Variants in MLNR observed in about 807,000 individuals in gnomAD.
The protein encoded by MLNR is motilin receptor, also known as G protein-coupled receptor 38.
A neutral mutation model predicts 20.0 loss-of-function variants in MLNR; 16 were observed. The observed-to-expected ratio is 0.80, with a 90% CI of 0.54 to 1.22. MLNR has a LOEUF of 1.22. Ranked by LOEUF, MLNR falls within the 50% of genes most tolerant of loss-of-function variation. The pLI is 0.00. For synonymous variants in MLNR, 302 were observed against 287.2 expected, an observed-to-expected ratio of 1.05 and a Z score of -0.52; for missense variants, 630 against 592.3, an observed-to-expected ratio of 1.06 and a Z score of -0.66.
chr13:49,221,708 T>C (rs1487288967), intron 1 of MLNR, among the ~76,000 whole-genome samples: 1 of 152,236 alleles, frequency 6.6e-6, no homozygotes, highest in African/African-American at 2.4e-5. Flanking sequence ...AGACCTGTTG[T>C]AGAATTCTTT....
rs139964744 is a variant in MLNR at position 49,220,644 on chromosome 13, C to T, written c.307C>T (p.Pro103Ser). The change falls in exon 1 of 2, where the codon CCC (proline) becomes TCC (serine). Residue 103 changes from proline (P) to serine (S), a missense_variant. Physicochemically the swap from Pro to Ser is moderately conservative, Grantham distance 74. Transcript: ENST00000218721. The surrounding 1 kb of genome is among the most constrained non-coding windows in gnomAD (Gnocchi z 4.4). ...CCTGTACCGCCTCTGGCGCTCGCGGCCCTGGGTGTTCGGGCCGCTGCTCTG... is the reference window on the plus strand; with the variant it reads ...CCTGTACCGCCTCTGGCGCTCGCGGTCCTGGGTGTTCGGGCCGCTGCTCTG... ...FDLYRLWRSR[P>S]WVFGPLLCRL... 17 of 1,610,276 alleles carry T rather than the reference C, an allele frequency of 1.1e-5. No individual in the cohort carries two copies. The highest frequency in any genetic ancestry group is 1.4e-5 in the Non-Finnish European group (16 of 1,178,858).
At position 49,222,370 on chromosome 13, in the gene MLNR, T is replaced by C. The variant is rs1169597832; in HGVS notation, c.1232T>C (p.Met411Thr). Residue 411 changes from methionine (M) to threonine (T), a missense_variant, in exon 2 of 2, where the codon ATG becomes ACG. By Grantham distance (81) the Met-to-Thr change is moderately conservative. Coordinates refer to ENST00000218721, the MANE Select transcript of MLNR (RefSeq NM_001507.1). ...YTETSANVKT[M>T]G ...GAGACAAGCGCTAACGTGAAGACGA[T>C]GGGATAACCAGCACGGCCAAGCCAG... The C allele has an allele frequency of 6.2e-7, 1 of 1,606,564 alleles. No individual in the cohort carries two copies. Among genetic ancestry groups the C allele is most frequent in the South Asian group, 1.1e-5 (1 of 90,576 alleles).
chr13:49,221,341 C>A (rs1178888428), intron 1 of MLNR, 103 bp downstream of exon 1: 5 of 1,242,496 alleles, frequency 4.0e-6, no homozygotes, highest in East Asian at 2.6e-5. Context: ...CAGCTCTGGG[C>A]GCCGCTTCCA....
In MLNR at chr13:49,222,232, C is replaced by T. The variant is rs1281054703; in HGVS notation, c.1094C>T (p.Ala365Val). The change falls in exon 2 of 2, where the codon GCG (alanine) becomes GTG (valine). Residue 365 changes from alanine (A) to valine (V), a missense_variant. Coordinates refer to ENST00000218721, the MANE Select transcript of MLNR (RefSeq NM_001507.1). ...YNLISKKYRA[A>V]AFKLLLARKS... ...CTCATTTCAAAGAAGTACAGAGCGG[C>T]GGCCTTTAAACTGCTGCTCGCAAGG... 1.2e-6 allele frequency: 2 copies of T among 1,614,054 alleles called. No individual in the cohort carries two copies. Among genetic ancestry groups the T allele is most frequent in the East Asian group, 2.2e-5 (1 of 44,876 alleles).
rs1436990779 is a variant in MLNR at position 49,220,420 on chromosome 13, G to A, written c.83G>A (p.Arg28His). The A allele has an allele frequency of 1.3e-6, 2 of 1,529,704 alleles. No homozygotes were observed. Among genetic ancestry groups the A allele is most frequent in the South Asian group, 1.2e-5 (1 of 83,066 alleles). The allele number at this position is 1,529,704 out of a possible 1,614,324, so 94.8% of individuals were successfully genotyped here. A position where few individuals can be genotyped will look rare whatever the true frequency, so the allele number is the denominator to read the frequency against. ...PWPALPPCDERRCSPFPLGAL... is the reference protein window; with the variant it reads ...PWPALPPCDEHRCSPFPLGAL... ...CCCGCGCTGCCGCCTTGCGACGAGC[G>A]CCGCTGCTCGCCCTTTCCCCTGGGG... The change falls in exon 1 of 2, where the codon CGC (arginine) becomes CAC (histidine). Residue 28 changes from arginine to histidine, a missense_variant. Physicochemically the swap from Arg to His is conservative, Grantham distance 29. Coordinates refer to ENST00000218721, the MANE Select transcript of MLNR (RefSeq NM_001507.1). This position sits in a 1 kb window ranked among gnomAD's most constrained non-coding sequence, Gnocchi z 4.4.
At chr13:49,221,268 G>A (rs1411475231) in intron 1 of MLNR, 30 bp downstream of exon 1, 2 of 1,543,606 alleles carry the variant, frequency 1.3e-6, no homozygotes, top group South Asian at 2.3e-5. Context: ...TTCCAAAGAC[G>A]CCTGCCTGCA....
Position 49,222,109 on chromosome 13 carries a change from C to G in MLNR, c.971C>G (p.Thr324Arg). 6.2e-7 allele frequency: 1 copy of G among 1,614,102 alleles called. No individual in the cohort carries two copies. The highest frequency in any genetic ancestry group is 8.5e-7 in the Non-Finnish European group (1 of 1,180,024). The change falls in exon 2 of 2, where the codon ACG becomes AGG. Residue 324 changes from threonine to arginine, a missense_variant. Physicochemically the swap from Thr to Arg is moderately conservative, Grantham distance 71. Transcript: ENST00000218721. The part of the protein sequence containing the change: ...FHVGRIIYIN[T>R]EDSRMMYFSQ... ...GTTGGCAGAATCATTTACATAAACA[C>G]GGAAGATTCGCGGATGATGTACTTC...
At chr13:49,221,408 G>A (rs1887010856) in intron 1 of MLNR, 170 bp downstream of exon 1, 1 of 727,680 alleles carries the variant, frequency 1.4e-6, no homozygotes, top group Non-Finnish European at 2.2e-6. Flanking sequence ...CATCCCCCGA[G>A]AAAACCATGT....
chr13:49,220,997 G>A lies in MLNR; in HGVS notation c.660G>A (p.Ser220=). The change falls in exon 1 of 2, where the codon TCG becomes TCA. Residue 220 remains serine (S), a synonymous_variant. Coordinates refer to ENST00000218721, the MANE Select transcript of MLNR (RefSeq NM_001507.1). The surrounding 1 kb of genome is among the most constrained non-coding windows in gnomAD (Gnocchi z 4.4). ...LSRAPPPSPP[S]GPETAEAAAL... ...GGGCGCCACCGCCGTCCCCGCCGTC[G>A]GGGCCCGAGACCGCGGAGGCCGCGG... The A allele has an allele frequency of 1.3e-6, 2 of 1,522,838 alleles. No individual in the cohort carries two copies. Among genetic ancestry groups the A allele is most frequent in the Non-Finnish European group, 8.7e-7 (1 of 1,146,724 alleles). The allele number at this position is 1,522,838 out of a possible 1,614,324, so 94.3% of individuals were successfully genotyped here. A position where few individuals can be genotyped will look rare whatever the true frequency, so the allele number is the denominator to read the frequency against.
chr13:49,222,123 A>G lies in MLNR; in HGVS notation c.985A>G (p.Met329Val). Residue 329 changes from methionine (M) to valine (V), a missense_variant, in exon 2 of 2, where the codon ATG (methionine) becomes GTG (valine). Transcript: ENST00000218721. ...TTACATAAACACGGAAGATTCGCGG[A>G]TGATGTACTTCTCTCAGTACTTTAA... ...IIYINTEDSRMMYFSQYFNIV... is the reference protein window; with the variant it reads ...IIYINTEDSRVMYFSQYFNIV... The G allele has an allele frequency of 6.2e-7, 1 of 1,614,098 alleles. No homozygotes were observed. Among genetic ancestry groups the G allele is most frequent in the East Asian group, 2.2e-5 (1 of 44,884 alleles).
In MLNR at chr13:49,220,687, T is replaced by G; in HGVS notation, c.350T>G (p.Val117Gly). 1 of 1,602,088 alleles carries G rather than the reference T, an allele frequency of 6.2e-7. No homozygotes were observed. The highest frequency in any genetic ancestry group is 8.5e-7 in the Non-Finnish European group (1 of 1,175,564). The change falls in exon 1 of 2, where the codon GTG (valine) becomes GGG (glycine). Residue 117 changes from valine to glycine, a missense_variant. Val to Gly is a moderately radical substitution (Grantham distance 109). Coordinates refer to ENST00000218721, the MANE Select transcript of MLNR (RefSeq NM_001507.1). This position sits in a 1 kb window ranked among gnomAD's most constrained non-coding sequence, Gnocchi z 4.4. The stretch of plus-strand genomic sequence containing the variant: ...CTGCTCTGCCGCCTGTCCCTCTACG[T>G]GGGCGAGGGCTGCACCTACGCCACG... ...GPLLCRLSLY[V>G]GEGCTYATLL...
chr13:49,220,740 G>C lies in MLNR; in HGVS notation c.403G>C (p.Glu135Gln), dbSNP rs1356435440. The part of the protein sequence containing the change: ...TLLHMTALSV[E>Q]RYLAICRPLR... ...GCTGCACATGACCGCGCTCAGCGTC[G>C]AGCGCTACCTGGCCATCTGCCGCCC... Residue 135 changes from glutamate to glutamine, a missense_variant, in exon 1 of 2, where the codon GAG (glutamate) becomes CAG (glutamine). By Grantham distance (29) the Glu-to-Gln change is conservative. Coordinates refer to ENST00000218721, the MANE Select transcript of MLNR (RefSeq NM_001507.1). The surrounding 1 kb of genome is among the most constrained non-coding windows in gnomAD (Gnocchi z 4.4). 6.3e-7 allele frequency: 1 copy of C among 1,578,648 alleles called. No homozygotes were observed. Among genetic ancestry groups the C allele is most frequent in the East Asian group, 2.4e-5 (1 of 42,454 alleles).
chr13:49,220,494 G>T lies in MLNR; in HGVS notation c.157G>T (p.Val53Leu), dbSNP rs1349842496. ...GTGCCTGTGCCTGTTCGTCGTCGGG[G>T]TGAGCGGCAACGTGGTGACCGTGAT... ...AVCLCLFVVG[V>L]SGNVVTVMLI... Residue 53 changes from valine (V) to leucine (L), a missense_variant, in exon 1 of 2, where the codon GTG (valine) becomes TTG (leucine). Coordinates refer to ENST00000218721, the MANE Select transcript of MLNR (RefSeq NM_001507.1). The surrounding 1 kb of genome is among the most constrained non-coding windows in gnomAD (Gnocchi z 4.4). The T allele has an allele frequency of 1.3e-6, 2 of 1,596,288 alleles. No homozygotes were observed. Among genetic ancestry groups the T allele is most frequent in the Non-Finnish European group, 1.7e-6 (2 of 1,172,350 alleles).
Position 49,220,383 on chromosome 13 carries a change from G to A in MLNR, c.46G>A (p.Glu16Lys). 3 of 1,465,190 alleles carry A rather than the reference G, an allele frequency of 2.0e-6. No homozygotes were observed. Among genetic ancestry groups the A allele is most frequent in the South Asian group, 1.4e-5 (1 of 73,226 alleles). 90.8% of individuals were successfully genotyped at this position (1,465,190 alleles called of 1,614,324 possible). A position where few individuals can be genotyped will look rare whatever the true frequency, so the allele number is the denominator to read the frequency against. ...NGSDGPEGAR[E>K]PPWPALPPCD... ...CAGCGACGGCCCCGAGGGGGCGCGG[G>A]AGCCGCCGTGGCCCGCGCTGCCGCC... The change falls in exon 1 of 2, where the codon GAG becomes AAG. Residue 16 changes from glutamate (E) to lysine (K), a missense_variant. Glu to Lys is a moderately conservative substitution (Grantham distance 56, BLOSUM62 1). Transcript: ENST00000218721. The surrounding 1 kb of genome is among the most constrained non-coding windows in gnomAD (Gnocchi z 4.4).
In MLNR at chr13:49,220,685, C is replaced by T. The variant is rs750137072; in HGVS notation, c.348C>T (p.Tyr116=). Residue 116 remains tyrosine, a synonymous_variant, in exon 1 of 2, where the codon TAC becomes TAT. Coordinates refer to ENST00000218721, the MANE Select transcript of MLNR (RefSeq NM_001507.1). This position sits in a 1 kb window ranked among gnomAD's most constrained non-coding sequence, Gnocchi z 4.4. ...CGCTGCTCTGCCGCCTGTCCCTCTACGTGGGCGAGGGCTGCACCTACGCCA... is the reference window on the plus strand; with the variant it reads ...CGCTGCTCTGCCGCCTGTCCCTCTATGTGGGCGAGGGCTGCACCTACGCCA... The part of the protein sequence containing the change: ...FGPLLCRLSL[Y]VGEGCTYATL... The T allele has an allele frequency of 2.5e-6, 4 of 1,602,638 alleles. No individual in the cohort carries two copies. Among genetic ancestry groups the T allele is most frequent in the Admixed American group, 1.7e-5 (1 of 58,864 alleles).
At position 49,221,226 on chromosome 13, in the gene MLNR, G is replaced by A; in HGVS notation, c.889G>A (p.Val297Ile). 6.3e-7 allele frequency: 1 copy of A among 1,577,360 alleles called. No individual in the cohort carries two copies. Among genetic ancestry groups the A allele is most frequent in the Non-Finnish European group, 8.5e-7 (1 of 1,170,156 alleles). ...GCGGGAGAGAGGCCACCGGCAGACC[G>A]TCCGCGTCCTGCGTAAGTGGAGCCG... is the stretch of plus-strand genomic sequence containing the variant. ...SGRERGHRQTVRVLLVVVLAF... is the reference protein window; with the variant it reads ...SGRERGHRQTIRVLLVVVLAF... The change falls in exon 1 of 2, where the codon GTC becomes ATC. Residue 297 changes from valine (V) to isoleucine (I), a missense_variant. By Grantham distance (29) the Val-to-Ile change is conservative (BLOSUM62 3). Coordinates refer to ENST00000218721, the MANE Select transcript of MLNR (RefSeq NM_001507.1).
chr13:49,221,048 G>A lies in MLNR; in HGVS notation c.711G>A (p.Pro237=), dbSNP rs1336252472. The A allele has an allele frequency of 1.9e-6, 3 of 1,569,646 alleles. No homozygotes were observed. The highest frequency in any genetic ancestry group is 1.7e-6 in the Non-Finnish European group (2 of 1,168,368). The change falls in exon 1 of 2, where the codon CCG becomes CCA. Residue 237 remains proline, a synonymous_variant. Coordinates refer to ENST00000218721, the MANE Select transcript of MLNR (RefSeq NM_001507.1). ...CGCTGTTCAGCCGCGAATGCCGGCC[G>A]AGCCCCGCGCAGCTGGGCGCGCTGC... ...AAALFSRECR[P]SPAQLGALRV...
intron 1 of MLNR, among the ~76,000 whole-genome samples, chr13:49,221,625 A>T (rs1440818167): frequency 6.6e-6 from 1 of 152,240 alleles, no homozygotes; most frequent in Non-Finnish European, 1.5e-5. Context: ...TTAAGCTAAA[A>T]TTTTTTATTT....
Position 49,220,672 on chromosome 13 carries a change from G to C in MLNR, c.335G>C (p.Arg112Pro), listed in dbSNP as rs200256045. ...TGGGTGTTCGGGCCGCTGCTCTGCCGCCTGTCCCTCTACGTGGGCGAGGGC... is the reference window on the plus strand; with the variant it reads ...TGGGTGTTCGGGCCGCTGCTCTGCCCCCTGTCCCTCTACGTGGGCGAGGGC... ...RPWVFGPLLC[R>P]LSLYVGEGCT... The change falls in exon 1 of 2, where the codon CGC becomes CCC. Residue 112 changes from arginine to proline, a missense_variant. Arg to Pro is a moderately radical substitution (Grantham distance 103). Coordinates refer to ENST00000218721, the MANE Select transcript of MLNR (RefSeq NM_001507.1). The surrounding 1 kb of genome is among the most constrained non-coding windows in gnomAD (Gnocchi z 4.4). 15 of 1,605,846 alleles carry C rather than the reference G, an allele frequency of 9.3e-6. No homozygotes were observed. Among genetic ancestry groups the C allele is most frequent in the Non-Finnish European group, 1.1e-5 (13 of 1,177,100 alleles).
Sources: allele counts gnomAD v4.1 joint callset (sites outside exome capture counted in the v4.1 genomes callset), GRCh38; gene constraint gnomAD v4.1.1; non-coding constraint Gnocchi (gnomAD v3.1); transcripts MANE v1.5; gene names NCBI Gene and HGNC (gene_info 2026-07-23, HGNC 2026-07-21).